Variants in AARSD1 observed in about 807,000 individuals in gnomAD.
AARSD1 encodes the protein alanyl-tRNA synthetase domain containing 1.
Under a neutral mutation model 48.7 loss-of-function variants are expected in AARSD1, and 44 were observed. The ratio of observed to expected loss-of-function variants is 0.90; its 90% CI spans 0.71 to 1.16. AARSD1 has a LOEUF of 1.16. Ranked by LOEUF, AARSD1 falls within the 50% of genes most tolerant of loss-of-function variation. The pLI is 0.00. For missense variants in AARSD1, 511 were observed against 523.1 expected (o/e 0.98, Z 0.23); for synonymous variants, 189 against 194.9 (o/e 0.97, Z 0.25).
Position 42,951,857 on chromosome 17 carries a change from C to G in AARSD1, c.1046G>C (p.Gly349Ala). The change falls in exon 11 of 12, where the codon GGT becomes GCT. Residue 349 changes from glycine to alanine, a missense_variant. Coordinates refer to ENST00000427569, the MANE Select transcript of AARSD1 (RefSeq NM_001261434.2). ...CCCTGCCAGTAAGAAGAGTCCACCA[C>G]CTTTCTCATCGCCCACAGTTAAGAA... ...LLFLTVGDEK[G>A]GGLFLLAGPP... The G allele has an allele frequency of 6.2e-7, 1 of 1,614,182 alleles. No homozygotes were observed. The highest frequency in any genetic ancestry group is 8.5e-7 in the Non-Finnish European group (1 of 1,180,028).
intron 10 of AARSD1, among the ~76,000 whole-genome samples, chr17:42,952,362 A>G (rs1483289483): frequency 6.6e-6 from 1 of 152,142 alleles, no homozygotes; most frequent in African/African-American, 2.4e-5. Flanking sequence ...TATCATTCTG[A>G]ATTATAAATG....
chr17:42,960,947 G>T, intron 3 of AARSD1: 1 of 510,402 alleles, frequency 2.0e-6, no homozygotes, highest in Non-Finnish European at 3.1e-6. Flanking sequence ...ACATCCAGAT[G>T]GAGATATCGA....
At chr17:42,955,727 C>T in intron 7 of AARSD1, 115 bp downstream of exon 7, 6 of 1,541,818 alleles carry the variant, frequency 3.9e-6, no homozygotes, top group Non-Finnish European at 5.3e-6. Flanking sequence ...AGATGTGGGC[C>T]ACCACGCCTG....
At chr17:42,951,207 T>TTGGGAGGCCA (rs1298517625) in intron 11 of AARSD1, among the ~76,000 whole-genome samples, 1 of 151,896 alleles carries the variant, frequency 6.6e-6, no homozygotes, top group African/African-American at 2.4e-5. Flanking sequence ...CATCATCACA[T>TTGGGAGGCCA]AAGAGTGAAT....
rs1236163822 is a variant in AARSD1 at position 42,964,452 on chromosome 17, T to A, written c.-12A>T. 3.2e-6 allele frequency: 5 copies of A among 1,550,468 alleles called. No individual in the cohort carries two copies. In the East Asian group the frequency reaches 9.8e-5, roughly 30 times the overall value. ...CACCAGAACGCCATACCTGCAGGCG[T>A]GTGAGGAGGCGCACGCGCAGAGAAG... On this transcript the variant is annotated 5_prime_UTR_variant, in exon 1 of 12. Coordinates refer to ENST00000427569, the MANE Select transcript of AARSD1 (RefSeq NM_001261434.2).
In AARSD1 at chr17:42,955,202, C is replaced by T. The variant is rs1409145122; in HGVS notation, c.817G>A (p.Glu273Lys). The T allele has an allele frequency of 6.2e-7, 1 of 1,614,086 alleles. No individual in the cohort carries two copies. Among genetic ancestry groups the T allele is most frequent in the Admixed American group, 1.7e-5 (1 of 59,998 alleles). ...LLKCGAEDHV[E>K]AVKKLQNSTK... The stretch of plus-strand genomic sequence containing the variant: ...GAGTTCTGGAGCTTTTTCACTGCTT[C>T]CACATGATCCTCTGCTCCACACCTG... Residue 273 changes from glutamate (E) to lysine (K), a missense_variant, in exon 8 of 12, where the codon GAA becomes AAA. Coordinates refer to ENST00000427569, the MANE Select transcript of AARSD1 (RefSeq NM_001261434.2).
At position 42,964,167 on chromosome 17, in the gene AARSD1, ACTT is replaced by A; in HGVS notation, c.107_109del (p.Glu36del). Reference sequence around the variant, plus strand: ...CAGCACCACTTGGAAACCGCTCAGCACTTCTTTCTTGCCGTTGCTCCCTTCAGT... The same window carrying A: ...CAGCACCACTTGGAAACCGCTCAGCACTTTCTTGCCGTTGCTCCCTTCAGT... On this transcript the variant is annotated inframe_deletion, in exon 2 of 12. Coordinates refer to ENST00000427569, the MANE Select transcript of AARSD1 (RefSeq NM_001261434.2). 6.2e-7 allele frequency: 1 copy of A among 1,614,230 alleles called. No homozygotes were observed. The highest frequency in any genetic ancestry group is 8.5e-7 in the Non-Finnish European group (1 of 1,180,052).
chr17:42,953,912 A>G, intron 9 of AARSD1, 134 bp from the exon 10 acceptor site: 1 of 1,152,080 alleles, frequency 8.7e-7, no homozygotes, highest in Non-Finnish European at 1.3e-6. Context: ...TAGCCAAGAG[A>G]GAGTACTGGC....
chr17:42,950,585 C>T lies in AARSD1; in HGVS notation c.*8G>A, dbSNP rs745355185. 79 of 1,604,748 alleles carry T rather than the reference C, an allele frequency of 4.9e-5. No homozygotes were observed. Among genetic ancestry groups the T allele is most frequent in the Non-Finnish European group, 6.6e-5 (78 of 1,174,776 alleles). On this transcript the variant is annotated 3_prime_UTR_variant, in exon 12 of 12. Coordinates refer to ENST00000427569, the MANE Select transcript of AARSD1 (RefSeq NM_001261434.2). ...CCTGTGGAAACAGGAGGTGAGTGCC[C>T]TAAGCCCTCACTCCTTAGCACTCTG...
chr17:42,962,200 T>C, intron 2 of AARSD1: 1 of 290,104 alleles, frequency 3.4e-6, no homozygotes, highest in South Asian at 2.4e-5. Context: ...CTCGGGAGAC[T>C]GAGGCAGGGG....
At chr17:42,951,410 G>A (rs1000995900) in intron 11 of AARSD1, among the ~76,000 whole-genome samples, 4 of 151,998 alleles carry the variant, frequency 2.6e-5, no homozygotes, top group Non-Finnish European at 4.4e-5. Context: ...AAAATTGGAC[G>A]GGTATGGTTA....
At position 42,953,705 on chromosome 17, in the gene AARSD1, A is replaced by C. The variant is rs1055179786; in HGVS notation, c.1008+19T>G. 6.2e-7 allele frequency: 1 copy of C among 1,614,050 alleles called. No homozygotes were observed. The highest frequency in any genetic ancestry group is 1.7e-5 in the Admixed American group (1 of 60,004). On this transcript the variant is annotated intron_variant, in intron 10 of 11. Transcript: ENST00000427569. ...GGTCTCTATCCAGGCCGGGGTAGAG[A>C]ATCTCATGCTCCTCTTACCTCTGAC...
At chr17:42,961,498 G>A in intron 2 of AARSD1, 147 bp from the exon 3 acceptor site, 1 of 1,131,022 alleles carries the variant, frequency 8.8e-7, no homozygotes, top group Non-Finnish European at 1.2e-6. Flanking sequence ...AGTCCACTTT[G>A]TTCCATGAGA....
intron 3 of AARSD1, among the ~76,000 whole-genome samples, chr17:42,959,687 T>C: frequency 6.7e-6 from 1 of 149,934 alleles, no homozygotes; most frequent in East Asian, 2.0e-4. Flanking sequence ...TTTTTTGAGA[T>C]GGAGTCTCGC....
At chr17:42,950,832 G>A in intron 11 of AARSD1, 104 bp from the exon 12 acceptor site, 8 of 1,474,240 alleles carry the variant, frequency 5.4e-6, no homozygotes, top group Non-Finnish European at 6.3e-6. Context: ...GGGATAAGAA[G>A]AGTAGATGAC....
intron 3 of AARSD1, chr17:42,960,976 C>T: frequency 1.3e-6 from 1 of 746,268 alleles, no homozygotes; most frequent in Non-Finnish European, 2.0e-6. Flanking sequence ...TTGATAATAC[C>T]TAAATCCAGC....
rs2049486344 is a variant in AARSD1, at chr17:42,951,999, AACC to A, written c.1009-108_1009-106del. The A allele has an allele frequency of 7.0e-6, 9 of 1,282,088 alleles. No individual in the cohort carries two copies. In the Admixed American group the frequency reaches 1.4e-4, roughly 20 times the overall value. 79.4% of individuals were successfully genotyped at this position (1,282,088 alleles called of 1,614,324 possible). A position where few individuals can be genotyped will look rare whatever the true frequency, so the allele number is the denominator to read the frequency against. ...CTTAAGAATAGATTATTTCCCCCTAAACCACCAAGTGACGCTCCTGATGAATGA... is the reference window on the plus strand; with the variant it reads ...CTTAAGAATAGATTATTTCCCCCTAAACCAAGTGACGCTCCTGATGAATGA... On this transcript the variant is annotated intron_variant, in intron 10 of 11. Coordinates refer to ENST00000427569, the MANE Select transcript of AARSD1 (RefSeq NM_001261434.2).
chr17:42,954,340 T>TC (rs945715545), intron 9 of AARSD1, among the ~76,000 whole-genome samples: 1 of 151,658 alleles, frequency 6.6e-6, no homozygotes, highest in Non-Finnish European at 1.5e-5. Context: ...ACACTAAGAC[T>TC]CCATCTCAAA....
intron 7 of AARSD1, chr17:42,955,461 CAG>C (rs1208460822): frequency 3.3e-5 from 14 of 421,448 alleles, no homozygotes; most frequent in African/African-American, 3.2e-4. Context: ...TTTTTTGAGA[CAG>C]AGTCTTGCTC....
Sources: allele counts gnomAD v4.1 joint callset (sites outside exome capture counted in the v4.1 genomes callset), GRCh38; gene constraint gnomAD v4.1.1; transcripts MANE v1.5; gene names NCBI Gene and HGNC (gene_info 2026-07-23, HGNC 2026-07-21).